The following NRXN3 variants were observed in gnomAD, a reference collection of about 807,000 sequenced individuals.
NRXN3 encodes the protein neurexin 3, also known as neurexin III.
Under a neutral mutation model 137.6 loss-of-function variants are expected in NRXN3, and 32 were observed. The ratio of observed to expected loss-of-function variants is 0.23; its 90% CI spans 0.18 to 0.31. The LOEUF (loss-of-function observed/expected upper bound fraction) is 0.31, where lower values mean the gene tolerates loss of function less well. Among genes scored for constraint, NRXN3 ranks in the 10% least tolerant of loss-of-function variants. NRXN3 has a pLI of 1.00. For synonymous variants in NRXN3, 798 were observed against 784.5 expected (o/e 1.02, Z -0.29); for missense variants, 1,574 against 2,062.5 (o/e 0.76, Z 4.59).
intron 4 of NRXN3, among the ~76,000 whole-genome samples, chr14:78,354,443 A>C (rs112025396): frequency 5.2e-4 from 79 of 152,274 alleles, no homozygotes; most frequent in African/African-American, 1.8e-3. Flanking sequence ...AGCCACTCCT[A>C]GTCTATTGAA....
intron 4 of NRXN3, among the ~76,000 whole-genome samples, chr14:78,549,304 C>G (rs1021277934): frequency 6.6e-6 from 1 of 152,166 alleles, no homozygotes; most frequent in African/African-American, 2.4e-5. Flanking sequence ...TGAGTTCTCA[C>G]CTTTATGCCT....
chr14:78,329,108 C>T (rs1359051324), intron 4 of NRXN3, among the ~76,000 whole-genome samples: 2 of 152,142 alleles, frequency 1.3e-5, no homozygotes, highest in Non-Finnish European at 2.9e-5. Context: ...TTGCCTTTGT[C>T]TACAGCATGT....
At position 79,494,348 on chromosome 14, in the gene NRXN3, G is replaced by A. The variant is rs181418580; in HGVS notation, c.3444+26946G>A. Among the ~76,000 whole-genome samples, 696 of 152,278 alleles carry A rather than the reference G, an allele frequency of 4.6e-3. 3 individuals carry two copies. The highest frequency in any genetic ancestry group is 8.3e-3 in the Non-Finnish European group (564 of 68,028). ...TCAGAAACTCTGACTCCTAAAGGGG[G>A]TCAGTAACTCTGGGAAGACTATTTC... On this transcript the variant is annotated intron_variant, in intron 16 of 20. Transcript: ENST00000335750.
intron 16 of NRXN3, among the ~76,000 whole-genome samples, chr14:79,505,784 G>A (rs1245660790): frequency 1.3e-5 from 2 of 152,190 alleles, no homozygotes; most frequent in African/African-American, 2.4e-5. Context: ...GGCACTTGAT[G>A]TGTGTATTAG....
intron 19 of NRXN3, among the ~76,000 whole-genome samples, chr14:79,738,315 C>CCA (rs10539564): frequency 0.35 from 48,592 of 137,734 alleles, 8,547 homozygotes; most frequent in East Asian, 0.5. Context: ...ATTTCCCCCG[C>CCA]CACACACACA....
chr14:79,696,142 G>A (rs1018957176), intron 18 of NRXN3, among the ~76,000 whole-genome samples: 7 of 151,830 alleles, frequency 4.6e-5, no homozygotes, highest in African/African-American at 1.7e-4. Flanking sequence ...ACATTGAGAA[G>A]GTATTTCACA....
At chr14:78,625,365 T>A (rs1456170019) in intron 4 of NRXN3, among the ~76,000 whole-genome samples, 4 of 152,228 alleles carry the variant, frequency 2.6e-5, no homozygotes, top group Non-Finnish European at 2.9e-5. Flanking sequence ...CTTGGTAAGA[T>A]CCCACAACCA....
At chr14:78,806,081 T>C (rs2098866674) in intron 9 of NRXN3, among the ~76,000 whole-genome samples, 1 of 151,144 alleles carries the variant, frequency 6.6e-6, no homozygotes, top group Non-Finnish European at 1.5e-5. Context: ...GCTTCTTTTG[T>C]TGCAATTTCA....
chr14:78,251,184 T>C (rs917228093), intron 2 of NRXN3, among the ~76,000 whole-genome samples: 3 of 152,272 alleles, frequency 2.0e-5, no homozygotes, highest in African/African-American at 7.2e-5. Flanking sequence ...GCCCATTACC[T>C]CACTCAGGGT....
intron 1 of NRXN3, among the ~76,000 whole-genome samples, chr14:78,193,286 G>GT (rs2060911353): frequency 6.6e-6 from 1 of 152,132 alleles, no homozygotes; most frequent in Non-Finnish European, 1.5e-5. Context: ...GCTCAGAGAG[G>GT]TTTAGGATTG....
intron 6 of NRXN3, among the ~76,000 whole-genome samples, chr14:78,699,110 A>G (rs1356173730): frequency 2.0e-5 from 3 of 152,076 alleles, no homozygotes. Flanking sequence ...CTACTGGAAG[A>G]AACAGACAAT....
chr14:79,109,837 T>C (rs570146150), intron 15 of NRXN3, among the ~76,000 whole-genome samples: 1 of 152,120 alleles, frequency 6.6e-6, no homozygotes, highest in Non-Finnish European at 1.5e-5. Flanking sequence ...TTGGCCTACC[T>C]TCCCAGTACC....
At chr14:79,411,554 T>C (rs1158004865) in intron 15 of NRXN3, among the ~76,000 whole-genome samples, 2 of 152,098 alleles carry the variant, frequency 1.3e-5, no homozygotes, top group African/African-American at 4.8e-5. Flanking sequence ...GAGTAATAAT[T>C]ATGACTCTAC....
At chr14:79,258,000 T>C (rs1308736613) in intron 15 of NRXN3, among the ~76,000 whole-genome samples, 1 of 152,034 alleles carries the variant, frequency 6.6e-6, no homozygotes, top group East Asian at 1.9e-4. Context: ...TGAATCCCAG[T>C]GGTAAAGGAC....
At chr14:79,720,381 C>A (rs1364163212) in intron 19 of NRXN3, among the ~76,000 whole-genome samples, 2 of 152,054 alleles carry the variant, frequency 1.3e-5, no homozygotes, top group Non-Finnish European at 2.9e-5. Context: ...CACAACCAAA[C>A]CATATCAGGG....
chr14:78,591,921 A>G (rs1341670151), intron 4 of NRXN3, among the ~76,000 whole-genome samples: 1 of 152,022 alleles, frequency 6.6e-6, no homozygotes, highest in Non-Finnish European at 1.5e-5. Context: ...GCATTTTCCT[A>G]CCCTTCCTGT....
chr14:78,290,659 G>T (rs1490099107), intron 3 of NRXN3, among the ~76,000 whole-genome samples: 1 of 152,122 alleles, frequency 6.6e-6, no homozygotes, highest in African/African-American at 2.4e-5. Context: ...GGGGACTTAG[G>T]TAGAAGGTTT....
chr14:79,291,913 C>T (rs2153460813), intron 15 of NRXN3, among the ~76,000 whole-genome samples: 1 of 152,016 alleles, frequency 6.6e-6, no homozygotes, highest in East Asian at 2.0e-4. Context: ...AACAGGTAAA[C>T]ACCTACCTCA....
At chr14:79,716,167 C>G (rs1360393832) in intron 19 of NRXN3, among the ~76,000 whole-genome samples, 1 of 152,200 alleles carries the variant, frequency 6.6e-6, no homozygotes. Flanking sequence ...AGTCTGAACC[C>G]TACCTCTGTG....
Sources: allele counts gnomAD v4.1 joint callset (sites outside exome capture counted in the v4.1 genomes callset), GRCh38; gene constraint gnomAD v4.1.1; transcripts MANE v1.5; gene names NCBI Gene and HGNC (gene_info 2026-07-23, HGNC 2026-07-21).